The following SLC24A3 variants were observed in gnomAD, a reference collection of about 807,000 sequenced individuals.
The protein encoded by SLC24A3 is solute carrier family 24 member 3.
SLC24A3 carries 28 observed loss-of-function variants against 75.8 expected under a neutral mutation model. The observed-to-expected ratio is 0.37, with a 90% CI of 0.27 to 0.51. SLC24A3 has a LOEUF of 0.51. Among genes scored for constraint, SLC24A3 ranks in the 20% least tolerant of loss-of-function variants. The probability of loss-of-function intolerance (pLI) is 0.94; values close to 1 mark genes in which losing one functional copy is unlikely to be tolerated. For missense variants in SLC24A3, 663 were observed against 847.8 expected (o/e 0.78, Z 2.71); for synonymous variants, 372 against 334.1 (o/e 1.11, Z -1.24).
chr20:19,515,559 C>G lies in SLC24A3; in HGVS notation c.343C>G (p.Leu115Val). Reference protein sequence around the residue: ...RRQGAVVLHVLCAIYMFYALA... With the variant: ...RRQGAVVLHVVCAIYMFYALA... Reference sequence around the variant, plus strand: ...ACAAGGTGCGGTGGTCCTCCATGTGCTCTGTGTAAGTACCCCTCTGTGCCT... The same window carrying G: ...ACAAGGTGCGGTGGTCCTCCATGTGGTCTGTGTAAGTACCCCTCTGTGCCT... Residue 115 changes from leucine to valine, a missense_variant, in exon 3 of 17, where the codon CTC (leucine) becomes GTC (valine). Transcript: ENST00000328041. 1 of 1,614,096 alleles carries G rather than the reference C, an allele frequency of 6.2e-7. No individual in the cohort carries two copies. The highest frequency in any genetic ancestry group is 1.1e-5 in the South Asian group (1 of 91,076).
intron 2 of SLC24A3, among the ~76,000 whole-genome samples, chr20:19,312,985 G>A (rs1209556909): frequency 6.9e-6 from 1 of 144,866 alleles, no homozygotes; most frequent in Non-Finnish European, 1.5e-5. Context: ...AGGGAAAACA[G>A]AAATGTTCTC....
chr20:19,592,824 C>T (rs1160897934), intron 6 of SLC24A3, among the ~76,000 whole-genome samples: 1 of 117,422 alleles, frequency 8.5e-6, no homozygotes, highest in African/African-American at 3.1e-5. Context: ...GAGATAGAGT[C>T]TCACTGCGTT....
At chr20:19,499,826 T>C (rs929856691) in intron 2 of SLC24A3, among the ~76,000 whole-genome samples, 1 of 152,112 alleles carries the variant, frequency 6.6e-6, no homozygotes, top group African/African-American at 2.4e-5. Context: ...GGATGCTACA[T>C]ACATACATAC....
intron 3 of SLC24A3, among the ~76,000 whole-genome samples, chr20:19,519,483 G>A (rs1415181689): frequency 6.6e-6 from 1 of 152,202 alleles, no homozygotes; most frequent in Admixed American, 6.5e-5. Context: ...TCCCAAGCCT[G>A]AGAGTGTGCT....
chr20:19,355,633 A>C (rs1263076177), intron 2 of SLC24A3, among the ~76,000 whole-genome samples: 2 of 152,244 alleles, frequency 1.3e-5, no homozygotes, highest in Non-Finnish European at 2.9e-5. Context: ...TTTTATTTTC[A>C]AAAACATAGC....
intron 9 of SLC24A3, among the ~76,000 whole-genome samples, chr20:19,677,423 C>CTCT (rs1258865167): frequency 6.6e-6 from 1 of 152,072 alleles, no homozygotes; most frequent in East Asian, 1.9e-4. Context: ...CTTGTCGAAT[C>CTCT]TAGAAAGTGT....
At chr20:19,575,797 T>C (rs1464664310) in intron 3 of SLC24A3, among the ~76,000 whole-genome samples, 1 of 152,132 alleles carries the variant, frequency 6.6e-6, no homozygotes, top group Admixed American at 6.6e-5. Flanking sequence ...ATAATATTGA[T>C]AAAGAACTTC....
chr20:19,715,932 T>G (rs1484769834), intron 15 of SLC24A3, among the ~76,000 whole-genome samples: 2 of 152,214 alleles, frequency 1.3e-5, no homozygotes, highest in Non-Finnish European at 1.5e-5. Context: ...CACAAGCATT[T>G]CCAAGAAAAC....
At chr20:19,619,990 T>G (rs1274373240) in intron 6 of SLC24A3, among the ~76,000 whole-genome samples, 1 of 152,136 alleles carries the variant, frequency 6.6e-6, no homozygotes, top group Admixed American at 6.5e-5. Flanking sequence ...CTCCTATGAC[T>G]CACCAAAAGG....
At chr20:19,439,992 T>C (rs1158456938) in intron 2 of SLC24A3, among the ~76,000 whole-genome samples, 1 of 152,194 alleles carries the variant, frequency 6.6e-6, no homozygotes, top group Non-Finnish European at 1.5e-5. Context: ...ATACAAGAAA[T>C]ACATATTCCT....
intron 2 of SLC24A3, among the ~76,000 whole-genome samples, chr20:19,424,633 C>A (rs1295583005): frequency 6.6e-6 from 1 of 150,926 alleles, no homozygotes; most frequent in Non-Finnish European, 1.5e-5. Flanking sequence ...GGTTGTGGAG[C>A]CAAGAGCCTA....
chr20:19,464,134 T>C (rs1395518297), intron 2 of SLC24A3, among the ~76,000 whole-genome samples: 7 of 152,226 alleles, frequency 4.6e-5, no homozygotes, highest in African/African-American at 1.7e-4. Flanking sequence ...TCACAGCAGC[T>C]GTCAGGCCTT....
At chr20:19,686,175 G>A (rs1476383354) in intron 12 of SLC24A3, among the ~76,000 whole-genome samples, 3 of 152,204 alleles carry the variant, frequency 2.0e-5, no homozygotes, top group Non-Finnish European at 4.4e-5. Context: ...TGACCCGTGT[G>A]GGCAAGGCAG....
At chr20:19,600,276 G>A (rs1235651206) in intron 6 of SLC24A3, among the ~76,000 whole-genome samples, 1 of 152,118 alleles carries the variant, frequency 6.6e-6, no homozygotes, top group Non-Finnish European at 1.5e-5. Context: ...CTTAAATTCT[G>A]CCCAGCGGTT....
chr20:19,393,297 A>G (rs988664934), intron 2 of SLC24A3, among the ~76,000 whole-genome samples: 1 of 152,178 alleles, frequency 6.6e-6, no homozygotes, highest in Non-Finnish European at 1.5e-5. Context: ...TGGAAGAAAC[A>G]AAGCACACTC....
intron 2 of SLC24A3, among the ~76,000 whole-genome samples, chr20:19,406,608 A>G (rs1986650732): frequency 6.6e-6 from 1 of 152,222 alleles, no homozygotes; most frequent in Admixed American, 6.5e-5. Context: ...ATTGCAATAC[A>G]GAGTGATGAA....
chr20:19,592,579 T>C (rs2031393114), intron 6 of SLC24A3, among the ~76,000 whole-genome samples: 2 of 152,164 alleles, frequency 1.3e-5, no homozygotes, highest in African/African-American at 2.4e-5. Context: ...GTATCTGAGA[T>C]GCATCATTCC....
intron 2 of SLC24A3, among the ~76,000 whole-genome samples, chr20:19,338,116 C>T (rs1985179776): frequency 6.6e-6 from 1 of 152,084 alleles, no homozygotes; most frequent in Non-Finnish European, 1.5e-5. Context: ...GCCCCTTCAC[C>T]AAGATGGTAA....
chr20:19,662,350 G>A (rs2122717817), intron 7 of SLC24A3, among the ~76,000 whole-genome samples: 1 of 152,336 alleles, frequency 6.6e-6, no homozygotes, highest in Middle Eastern at 3.4e-3. Context: ...CATCGTTGAG[G>A]ACAGAGTGTT....
Sources: allele counts gnomAD v4.1 joint callset (sites outside exome capture counted in the v4.1 genomes callset), GRCh38; gene constraint gnomAD v4.1.1; transcripts MANE v1.5; gene names NCBI Gene and HGNC (gene_info 2026-07-23, HGNC 2026-07-21).